ETV6: variants seen among roughly 807,000 people sequenced by gnomAD.
The protein encoded by ETV6 is transcription factor ETV6.
ETV6 carries 16 observed loss-of-function variants against 51.1 expected under a neutral mutation model. The observed-to-expected ratio is 0.31, with a 90% CI of 0.21 to 0.48. The LOEUF (loss-of-function observed/expected upper bound fraction) is 0.48. ETV6 is among the 20% of genes least tolerant of loss of function. The pLI, the probability that ETV6 is intolerant of heterozygous loss-of-function variation, is 0.99. For missense variants in ETV6, 458 were observed against 594.8 expected (o/e 0.77, Z 2.39); for synonymous variants, 240 against 224.1 (o/e 1.07, Z -0.64).
intron 4 of ETV6, among the ~76,000 whole-genome samples, chr12:11,866,393 C>G (rs543877080): frequency 5.9e-5 from 9 of 152,142 alleles, no homozygotes; most frequent in Non-Finnish European, 1.2e-4. Flanking sequence ...TTATGAGTCA[C>G]ATGTTTGTAT....
intron 2 of ETV6, among the ~76,000 whole-genome samples, chr12:11,756,330 A>AC (rs1304655642): frequency 6.6e-6 from 1 of 152,184 alleles, no homozygotes; most frequent in Non-Finnish European, 1.5e-5. Context: ...CCCTCTGCTT[A>AC]CCGGGAGAGC....
At chr12:11,658,858 A>C (rs1242064019) in intron 1 of ETV6, among the ~76,000 whole-genome samples, 1 of 152,272 alleles carries the variant, frequency 6.6e-6, no homozygotes, top group Non-Finnish European at 1.5e-5. Flanking sequence ...GAGATGAAAG[A>C]AAAGGAAAAA....
chr12:11,762,795 G>T (rs1294631465), intron 2 of ETV6, among the ~76,000 whole-genome samples: 1 of 152,202 alleles, frequency 6.6e-6, no homozygotes, highest in African/African-American at 2.4e-5. Flanking sequence ...AAAAGGGGGT[G>T]TAAGATTAGG....
rs144626742 is a variant in ETV6, at chr12:11,824,727, G to A, written c.164-14413G>A. On this transcript the variant is annotated intron_variant, in intron 2 of 7. Transcript: ENST00000396373. ...GCGGAAGTTGCTGTGAGCCTAGATC[G>A]CGCTAATGCACTCCAGCCTGAGCGA... Among the ~76,000 whole-genome samples the A allele has an allele frequency of 4.0e-3, 608 of 152,228 alleles. 2 individuals carry two copies. Among genetic ancestry groups the A allele is most frequent in the African/African-American group, 0.014 (570 of 41,524 alleles).
In ETV6 at chr12:11,650,485, A is replaced by AC. The variant is rs796718704; in HGVS notation, c.33+325_33+326insC. ...CACCCCCGTAATTAGTGCGCTTAAA[A>AC]AAAAAAAAAACAAAAAACAAAAAAA... On this transcript the variant is annotated intron_variant, in intron 1 of 7. Transcript: ENST00000396373. Among the ~76,000 whole-genome samples, 38 of 64,610 alleles carry AC rather than the reference A, an allele frequency of 5.9e-4. 1 individual carries two copies. Among genetic ancestry groups the AC allele is most frequent in the African/African-American group, 1.6e-3 (37 of 22,756 alleles). The allele number at this position is 64,610 out of a possible 152,430, so 42.4% of individuals were successfully genotyped here.
chr12:11,724,054 G>A (rs999018093), intron 1 of ETV6, among the ~76,000 whole-genome samples: 1 of 152,072 alleles, frequency 6.6e-6, no homozygotes, highest in Non-Finnish European at 1.5e-5. Flanking sequence ...AGGGTGCTGT[G>A]TGTCAGCTCT....
chr12:11,747,575 A>G (rs1280440718), intron 1 of ETV6, among the ~76,000 whole-genome samples: 6 of 152,162 alleles, frequency 3.9e-5, no homozygotes, highest in East Asian at 1.9e-4. Flanking sequence ...TGTGTGTACA[A>G]TGTCTATTTA....
chr12:11,673,148 A>T (rs1864351659), intron 1 of ETV6, among the ~76,000 whole-genome samples: 1 of 152,142 alleles, frequency 6.6e-6, no homozygotes, highest in Non-Finnish European at 1.5e-5. Context: ...TGTGGCTCTG[A>T]GGGTGCCAAG....
chr12:11,727,122 C>G (rs1037977510), intron 1 of ETV6, among the ~76,000 whole-genome samples: 1 of 152,226 alleles, frequency 6.6e-6, no homozygotes, highest in African/African-American at 2.4e-5. Flanking sequence ...TGAACTACGG[C>G]TGGAACACCA....
intron 1 of ETV6, among the ~76,000 whole-genome samples, chr12:11,692,301 G>A (rs1864782245): frequency 6.6e-6 from 1 of 152,088 alleles, no homozygotes; most frequent in Non-Finnish European, 1.5e-5. Flanking sequence ...GTCCCTCCTA[G>A]CGTGAAAGCC....
At chr12:11,807,164 G>A (rs1037308926) in intron 2 of ETV6, among the ~76,000 whole-genome samples, 1 of 152,220 alleles carries the variant, frequency 6.6e-6, no homozygotes, top group African/African-American at 2.4e-5. Flanking sequence ...GATTGATTGT[G>A]ATCGGATGTA....
At chr12:11,696,512 G>C (rs1864881474) in intron 1 of ETV6, among the ~76,000 whole-genome samples, 1 of 152,176 alleles carries the variant, frequency 6.6e-6, no homozygotes, top group South Asian at 2.1e-4. Context: ...CTGGCCCATA[G>C]TAAATGCTCA....
intron 1 of ETV6, among the ~76,000 whole-genome samples, chr12:11,739,977 G>T (rs1865779852): frequency 6.6e-6 from 1 of 152,192 alleles, no homozygotes; most frequent in Admixed American, 6.5e-5. Context: ...ATGGGTTTAT[G>T]ACAATTGAGG....
intron 5 of ETV6, among the ~76,000 whole-genome samples, chr12:11,883,336 G>C (rs12811121): frequency 1.6e-5 from 2 of 124,412 alleles, no homozygotes; most frequent in South Asian, 5.0e-4. Context: ...CTTTGTCACC[G>C]AGGCTGGAGG....
intron 1 of ETV6, among the ~76,000 whole-genome samples, chr12:11,751,581 G>A (rs368516381): frequency 1.3e-5 from 2 of 152,116 alleles, no homozygotes; most frequent in Admixed American, 6.5e-5. Flanking sequence ...TAAAACTCAC[G>A]GTAATCCTTC....
intron 1 of ETV6, among the ~76,000 whole-genome samples, chr12:11,723,486 C>A (rs905565959): frequency 6.6e-6 from 1 of 151,790 alleles, no homozygotes; most frequent in African/African-American, 2.4e-5. Flanking sequence ...AAAATTAATC[C>A]ATTCTAAATG....
At chr12:11,681,903 C>T (rs1463959420) in intron 1 of ETV6, among the ~76,000 whole-genome samples, 1 of 152,144 alleles carries the variant, frequency 6.6e-6, no homozygotes, top group Non-Finnish European at 1.5e-5. Flanking sequence ...ATGAGCTCAT[C>T]CTTTTTTATG....
chr12:11,834,576 A>C (rs958177642), intron 2 of ETV6, among the ~76,000 whole-genome samples: 1 of 152,236 alleles, frequency 6.6e-6, no homozygotes, highest in Non-Finnish European at 1.5e-5. Context: ...GCACCTTATC[A>C]ACTCTGAAGT....
At chr12:11,715,010 A>C (rs2120899783) in intron 1 of ETV6, among the ~76,000 whole-genome samples, 1 of 152,338 alleles carries the variant, frequency 6.6e-6, no homozygotes, top group East Asian at 1.9e-4. Context: ...CCCACGTTAC[A>C]TGACAGAGCC....
Sources: allele counts gnomAD v4.1 joint callset (sites outside exome capture counted in the v4.1 genomes callset), GRCh38; gene constraint gnomAD v4.1.1; transcripts MANE v1.5; gene names NCBI Gene and HGNC (gene_info 2026-07-23, HGNC 2026-07-21).